FOXN3: variants seen among roughly 807,000 people sequenced by gnomAD.
FOXN3 encodes the protein forkhead box protein N3.
In FOXN3, 7 loss-of-function variants were observed where a neutral mutation model predicts 38.4. The ratio of observed to expected loss-of-function variants is 0.18; its 90% CI spans 0.10 to 0.34. The LOEUF (loss-of-function observed/expected upper bound fraction) is 0.34, where lower values mean the gene tolerates loss of function less well. Ranked by LOEUF, FOXN3 falls within the 10% of genes least tolerant of loss-of-function variation. FOXN3 has a pLI of 1.00. For missense variants in FOXN3, 456 were observed against 613.4 expected (o/e 0.74, Z 2.71); for synonymous variants, 230 against 242.2 (o/e 0.95, Z 0.47).
At position 89,565,775 on chromosome 14, in the gene FOXN3, TA is replaced by T. The variant is rs1444299919; in HGVS notation, c.-15+53252del. Among the ~76,000 whole-genome samples, 5 of 152,350 alleles carry T rather than the reference TA, an allele frequency of 3.3e-5. No homozygotes were observed. In the South Asian group the frequency reaches 6.2e-4, roughly 19 times the overall value. On this transcript the variant is annotated intron_variant, in intron 1 of 6. Transcript: ENST00000345097. ...TTAGTGGTGGTGGTTGCATTTGCCA[TA>T]TGCCACATAATCATTCCATCTTCAC... is the stretch of plus-strand genomic sequence containing the variant.
intron 1 of FOXN3, among the ~76,000 whole-genome samples, chr14:89,618,829 A>C (rs1280310030): frequency 6.6e-6 from 1 of 151,802 alleles, no homozygotes; most frequent in Non-Finnish European, 1.5e-5. Flanking sequence ...AAAATAAGCA[A>C]CTTGCCATGG....
intron 4 of FOXN3, among the ~76,000 whole-genome samples, chr14:89,256,571 A>G (rs1048757272): frequency 6.6e-6 from 1 of 152,206 alleles, no homozygotes; most frequent in Non-Finnish European, 1.5e-5. Flanking sequence ...TAAGAAGCTG[A>G]GCCTCTGATG....
intron 4 of FOXN3, among the ~76,000 whole-genome samples, chr14:89,255,590 G>A (rs1885592789): frequency 6.6e-6 from 1 of 152,174 alleles, no homozygotes; most frequent in African/African-American, 2.4e-5. Flanking sequence ...TTCTCCTGGT[G>A]AGGATCTGAG....
chr14:89,419,171 G>A (rs943248411), upstream of FOXN3: 1 of 456,074 alleles, frequency 2.2e-6, no homozygotes, highest in East Asian at 6.9e-5. Context: ...TGCAGCAAGA[G>A]ATGTGAGAAG....
intron 3 of FOXN3, among the ~76,000 whole-genome samples, chr14:89,325,283 C>A (rs1376261537): frequency 1.4e-5 from 2 of 144,532 alleles, no homozygotes; most frequent in African/African-American, 5.1e-5. Flanking sequence ...AACACCAACA[C>A]CAACACCACC....
intron 4 of FOXN3, among the ~76,000 whole-genome samples, chr14:89,270,275 G>A (rs1397494404): frequency 6.6e-6 from 1 of 152,206 alleles, no homozygotes; most frequent in Non-Finnish European, 1.5e-5. Context: ...CATTCCTGAA[G>A]GTATCACTTC....
intron 4 of FOXN3, among the ~76,000 whole-genome samples, chr14:89,266,764 C>A (rs570743449): frequency 6.6e-6 from 1 of 152,252 alleles, no homozygotes; most frequent in South Asian, 2.1e-4. Context: ...ATACGAGAGG[C>A]TGCTGTTGCT....
At chr14:89,303,196 G>A (rs1029346059) in intron 3 of FOXN3, among the ~76,000 whole-genome samples, 4 of 152,026 alleles carry the variant, frequency 2.6e-5, no homozygotes, top group African/African-American at 4.8e-5. Context: ...ACACCAGAGC[G>A]CCTTTGACCT....
intron 3 of FOXN3, among the ~76,000 whole-genome samples, chr14:89,310,804 T>C (rs925342683): frequency 6.6e-6 from 1 of 152,136 alleles, no homozygotes; most frequent in Non-Finnish European, 1.5e-5. Context: ...CTAGTTGACA[T>C]GAAAAATCCT....
intron 5 of FOXN3, among the ~76,000 whole-genome samples, chr14:89,166,111 T>A (rs555946380): frequency 4.6e-5 from 7 of 152,182 alleles, no homozygotes; most frequent in Non-Finnish European, 8.8e-5. Context: ...CTTTCCCTTT[T>A]TTCCTAAGTT....
intron 2 of FOXN3, among the ~76,000 whole-genome samples, chr14:89,373,432 T>A (rs1388009430): frequency 8.2e-6 from 1 of 122,148 alleles, no homozygotes; most frequent in Non-Finnish European, 1.5e-5. Flanking sequence ...CAACAAGTAT[T>A]AAGAGAGGGA....
rs80225258 is a variant in FOXN3, at chr14:89,299,949, G to A, written c.681-18935C>T. Among the ~76,000 whole-genome samples the A allele has an allele frequency of 4.3e-4, 66 of 152,230 alleles. No homozygotes were observed. In the East Asian group the frequency reaches 0.011, roughly 25 times the overall value. On this transcript the variant is annotated intron_variant, in intron 3 of 5. Transcript: ENST00000557258. ...ATATCATTTCAACTTGAACTGAATC[G>A]CAAGGAAGCAAGAAGGCTGGCCACA... is the stretch of plus-strand genomic sequence containing the variant.
Position 89,417,063 on chromosome 14 carries a change from C to A in FOXN3, c.-207G>T, listed in dbSNP as rs953813000. On this transcript the variant is annotated 5_prime_UTR_variant, in exon 1 of 6. Coordinates refer to ENST00000557258, the MANE Select transcript of FOXN3 (RefSeq NM_005197.4). ...GGCGGCAGGGGCGCGGGGGTCGCGGCGCGGCATGGGACCTGCGGCGTCCGC... is the reference window on the plus strand; with the variant it reads ...GGCGGCAGGGGCGCGGGGGTCGCGGAGCGGCATGGGACCTGCGGCGTCCGC... 3 of 143,912 alleles carry A rather than the reference C, an allele frequency of 2.1e-5. No individual in the cohort carries two copies. Among genetic ancestry groups the A allele is most frequent in the Non-Finnish European group, 3.1e-5 (2 of 64,938 alleles). The allele number at this position is 143,912 out of a possible 1,614,324, so 8.9% of individuals were successfully genotyped here.
rs575905018 is a variant in FOXN3 at position 89,235,821 on chromosome 14, G to A, written c.745+45129C>T. Among the ~76,000 whole-genome samples, 4 of 135,422 alleles carry A rather than the reference G, an allele frequency of 3.0e-5. No individual in the cohort carries two copies. In the South Asian group the frequency reaches 8.3e-4, roughly 28 times the overall value. The allele number at this position is 135,422 out of a possible 152,430, so 88.8% of individuals were successfully genotyped here. ...GGAATGCAGGCAGCCTCTAGAAGCT[G>A]CAATAGGAAAGAAAGCGGCTTCTCT... is the stretch of plus-strand genomic sequence containing the variant. On this transcript the variant is annotated intron_variant, in intron 4 of 5. Transcript: ENST00000557258.
chr14:89,283,670 T>G (rs969963607), intron 3 of FOXN3, among the ~76,000 whole-genome samples: 3 of 151,902 alleles, frequency 2.0e-5, no homozygotes, highest in Middle Eastern at 3.4e-3. Flanking sequence ...TACCCAGCCA[T>G]GTAAATATCA....
rs57491119 is a variant in FOXN3 at position 89,333,749 on chromosome 14, TAAAAAAAAA to T, written c.680+16914_680+16922del. Among the ~76,000 whole-genome samples the T allele has an allele frequency of 9.1e-4, 52 of 57,264 alleles. 1 individual carries two copies. The highest frequency in any genetic ancestry group is 1.2e-3 in the African/African-American group (19 of 15,936). The allele number at this position is 57,264 out of a possible 152,430, so 37.6% of individuals were successfully genotyped here. A position where few individuals can be genotyped will look rare whatever the true frequency, so the allele number is the denominator to read the frequency against. On this transcript the variant is annotated intron_variant, in intron 3 of 5. Coordinates refer to ENST00000557258, the MANE Select transcript of FOXN3 (RefSeq NM_005197.4). ...GCCTGGGTGAACACAGAGAGACTAT[TAAAAAAAAA>T]AAAAAAAAAAAAAAAAAACAGAACC... is the stretch of plus-strand genomic sequence containing the variant.
intron 4 of FOXN3, among the ~76,000 whole-genome samples, chr14:89,233,339 T>C (rs1327929608): frequency 6.6e-6 from 1 of 152,170 alleles, no homozygotes; most frequent in Non-Finnish European, 1.5e-5. Context: ...AAGTGGTAAC[T>C]TGGTGGTGTC....
At chr14:89,333,899 A>G (rs1888343181) in intron 3 of FOXN3, among the ~76,000 whole-genome samples, 1 of 150,440 alleles carries the variant, frequency 6.6e-6, no homozygotes, top group South Asian at 2.1e-4. Flanking sequence ...CATTATTCAC[A>G]ATAGCCAAAA....
At chr14:89,222,644 G>A (rs1236289064) in intron 4 of FOXN3, among the ~76,000 whole-genome samples, 1 of 152,018 alleles carries the variant, frequency 6.6e-6, no homozygotes, top group African/African-American at 2.4e-5. Context: ...GTTGGTCACC[G>A]AAACATCTCA....
Sources: gnomAD v4.1 joint callset for allele counts (sites outside exome capture counted in the v4.1 genomes callset) on GRCh38, gnomAD v4.1.1 for gene constraint, MANE v1.5 for transcripts, NCBI Gene and HGNC (gene_info 2026-07-23, HGNC 2026-07-21) for gene names.